C10orf53: variants seen among roughly 807,000 people sequenced by gnomAD.
C10orf53 encodes the protein UPF0728 protein C10orf53.
Under a neutral mutation model 9.4 loss-of-function variants are expected in C10orf53, and 8 were observed. The ratio of observed to expected loss-of-function variants is 0.85; its 90% confidence interval spans 0.50 to 1.53. The LOEUF is 1.53. Ranked by LOEUF, C10orf53 falls within the 40% of genes most tolerant of loss-of-function variation. The probability of loss-of-function intolerance (pLI) is 0.00; values close to 1 mark genes in which losing one functional copy is unlikely to be tolerated. For missense variants in C10orf53, 117 were observed against 117.8 expected (o/e 0.99, Z 0.03); for synonymous variants, 48 against 46.0 (o/e 1.04, Z -0.18).
At chr10:49,683,004 T>G (rs1299501148) in intron 1 of C10orf53, among the ~76,000 whole-genome samples, 2 of 152,248 alleles carry the variant, frequency 1.3e-5, no homozygotes, top group Non-Finnish European at 2.9e-5. Flanking sequence ...TTTCCACCTT[T>G]CCGCTACTGT....
rs560255710 is a variant in C10orf53 at position 49,693,110 on chromosome 10, TC to T, written c.98-663del. The stretch of plus-strand genomic sequence containing the variant: ...TTTTTGCTTATATTGCATGTATTTT[TC>T]TTGCCATTAAAAAAGTTCATGAACA... On this transcript the variant is annotated intron_variant, in intron 1 of 2. Transcript: ENST00000374111. 2.6e-3 allele frequency among the ~76,000 whole-genome samples: 402 copies of T among 152,334 alleles called. 2 individuals are homozygous for T. Among genetic ancestry groups the T allele is most frequent in the African/African-American group, 9.1e-3 (379 of 41,592 alleles).
intron 1 of C10orf53, among the ~76,000 whole-genome samples, chr10:49,688,409 G>T (rs1840549798): frequency 6.6e-6 from 1 of 151,986 alleles, no homozygotes; most frequent in Admixed American, 6.5e-5. Context: ...ATCATCTCCT[G>T]CCTGGATTAC....
intron 1 of C10orf53, among the ~76,000 whole-genome samples, chr10:49,693,502 C>A (rs1840603971): frequency 6.6e-6 from 1 of 152,188 alleles, no homozygotes; most frequent in African/African-American, 2.4e-5. Flanking sequence ...GCCCAATAGC[C>A]CTTTACTAGA....
rs970382705 is a variant in C10orf53 at position 49,679,688 on chromosome 10, A to G, written c.-10A>G. 1.3e-6 allele frequency: 2 copies of G among 1,545,236 alleles called. No individual in the cohort carries two copies. The highest frequency in any genetic ancestry group is 1.7e-6 in the Non-Finnish European group (2 of 1,144,756). On this transcript the variant is annotated 5_prime_UTR_variant, in exon 1 of 3. Coordinates refer to ENST00000374111, the MANE Select transcript of C10orf53 (RefSeq NM_001042427.3). ...TTCTCCCTTGCCTCTGCGGCGGCGG[A>G]GGCCTGGCGATGCCCAAGAACGCAG... is the stretch of plus-strand genomic sequence containing the variant.
chr10:49,693,421 A>G (rs564293662), intron 1 of C10orf53, among the ~76,000 whole-genome samples: 1 of 152,190 alleles, frequency 6.6e-6, no homozygotes, highest in African/African-American at 2.4e-5. Context: ...TCAGCAGAGT[A>G]AGAAGTTGCC....
chr10:49,690,107 C>A (rs548101251), intron 1 of C10orf53, among the ~76,000 whole-genome samples: 1 of 152,056 alleles, frequency 6.6e-6, no homozygotes, highest in East Asian at 1.9e-4. Context: ...CAGCAAAAAG[C>A]GAAGGCAGCA....
chr10:49,682,378 G>C (rs141957537), intron 1 of C10orf53, among the ~76,000 whole-genome samples: 473 of 152,154 alleles, frequency 3.1e-3, no homozygotes, highest in African/African-American at 0.011. Context: ...AGAGTTGTTT[G>C]TTCCTCCTGG....
intron 2 of C10orf53, among the ~76,000 whole-genome samples, chr10:49,704,692 C>A (rs934004086): frequency 6.6e-6 from 1 of 152,032 alleles, no homozygotes; most frequent in Non-Finnish European, 1.5e-5. Context: ...TGCAGTGAGT[C>A]GAGATTGCAC....
chr10:49,689,396 T>C (rs1297641098), intron 1 of C10orf53, among the ~76,000 whole-genome samples: 1 of 152,192 alleles, frequency 6.6e-6, no homozygotes, highest in Non-Finnish European at 1.5e-5. Context: ...AAAAGTATTT[T>C]CCTAATTTAC....
chr10:49,690,979 A>C (rs997043718), intron 1 of C10orf53, among the ~76,000 whole-genome samples: 2 of 152,142 alleles, frequency 1.3e-5, no homozygotes, highest in Admixed American at 6.5e-5. Flanking sequence ...GTTTATTTAG[A>C]TCCCCCTTGA....
chr10:49,698,738 G>A (rs1007297696), downstream of C10orf53, among the ~76,000 whole-genome samples: 2 of 152,156 alleles, frequency 1.3e-5, no homozygotes, highest in Admixed American at 1.3e-4. Flanking sequence ...AGACAGTGGT[G>A]TAATCAGGCG....
At position 49,708,276 on chromosome 10, in the gene C10orf53, G is replaced by A. The variant is rs182205457; in HGVS notation, c.218-85G>A. On this transcript the variant is annotated intron_variant, in intron 2 of 2. Transcript: ENST00000374112. ...CTGAAAAGTCCAGCTATAGGCATAG[G>A]TGAATATGAGTGTTCAGTCGACAAC... 1.5e-5 allele frequency: 23 copies of A among 1,548,564 alleles called. No homozygotes were observed. The East Asian group carries it at 4.7e-4, about 32-fold the overall frequency.
intron 2 of C10orf53, among the ~76,000 whole-genome samples, chr10:49,707,055 T>C (rs1366063543): frequency 7.0e-6 from 1 of 143,048 alleles, no homozygotes; most frequent in Admixed American, 7.4e-5. Flanking sequence ...TTTGTTAGCA[T>C]ACAACAAAAA....
chr10:49,679,930 G>A (rs1840463834), intron 1 of C10orf53, 136 bp downstream of exon 1: 1 of 775,370 alleles, frequency 1.3e-6, no homozygotes, highest in Non-Finnish European at 1.9e-6. Context: ...GGATGATGTT[G>A]CAACCTATGG....
At chr10:49,701,302 C>A (rs1840681038), downstream of C10orf53, among the ~76,000 whole-genome samples, 1 of 152,162 alleles carries the variant, frequency 6.6e-6, no homozygotes. Flanking sequence ...AGGGAACCTG[C>A]AGCTAACTGT....
chr10:49,694,024 T>G, intron 2 of C10orf53, 131 bp downstream of exon 2: 1 of 1,314,664 alleles, frequency 7.6e-7, no homozygotes, highest in East Asian at 2.3e-5. Context: ...AAACTTGTAC[T>G]GAAAGCCCTG....
chr10:49,695,433 T>A lies in C10orf53; in HGVS notation c.*831T>A, dbSNP rs1840626049. 6.6e-6 allele frequency: 1 copy of A among 152,246 alleles called. No homozygotes were observed. Among genetic ancestry groups the A allele is most frequent in the East Asian group, 1.9e-4 (1 of 5,202 alleles). The allele number at this position is 152,246 out of a possible 1,614,324, so 9.4% of individuals were successfully genotyped here. A position where few individuals can be genotyped will look rare whatever the true frequency, so the allele number is the denominator to read the frequency against. ...AGAGAGGGGGAAATGCAGATATTGA[T>A]CTAATGACGTCAAATGGGAGGTCAT... On this transcript the variant is annotated 3_prime_UTR_variant, in exon 3 of 3. Transcript: ENST00000374111.
intron 1 of C10orf53, 106 bp from the exon 2 acceptor site, chr10:49,693,668 A>C: frequency 1.5e-6 from 2 of 1,373,512 alleles, no homozygotes; most frequent in Non-Finnish European, 2.0e-6. Context: ...GATACCCATG[A>C]GCAACTAGAT....
At position 49,694,626 on chromosome 10, in the gene C10orf53, A is replaced by G. The variant is rs771753672; in HGVS notation, c.*24A>G. 1.2e-6 allele frequency: 2 copies of G among 1,613,784 alleles called. No individual in the cohort carries two copies. Among genetic ancestry groups the G allele is most frequent in the Non-Finnish European group, 8.5e-7 (1 of 1,179,694 alleles). ...GATCTCCTCATGGAACAGGCATCTC[A>G]AGTCGGCACAACAGCAGCTGCCCCA... On this transcript the variant is annotated 3_prime_UTR_variant, in exon 3 of 3. Transcript: ENST00000374111.
Sources: gnomAD v4.1 joint callset for allele counts (sites outside exome capture counted in the v4.1 genomes callset) on GRCh38, gnomAD v4.1.1 for gene constraint, MANE v1.5 for transcripts, NCBI Gene and HGNC (gene_info 2026-07-23, HGNC 2026-07-21) for gene names.